SAMD5: variants seen among roughly 807,000 people sequenced by gnomAD.
The protein encoded by SAMD5 is sterile alpha motif domain-containing protein 5.
Under a neutral mutation model 11.3 loss-of-function variants are expected in SAMD5, and 13 were observed. The observed-to-expected ratio is 1.15, with a 90% CI of 0.75 to 1.83. SAMD5 has a LOEUF of 1.83. SAMD5 is among the 40% of genes most tolerant of loss of function. SAMD5 has a pLI of 0.00. For synonymous variants in SAMD5, 129 were observed against 111.3 expected (o/e 1.16, Z -1.00); for missense variants, 255 against 239.1 (o/e 1.07, Z -0.44).
chr6:147,945,708 A>G, the SAMD5 span, among the ~76,000 whole-genome samples: 1 of 152,138 alleles, frequency 6.6e-6, no homozygotes, highest in Non-Finnish European at 1.5e-5. Flanking sequence ...CAGTGGCAGG[A>G]ACGTTAGCCC....
intron 1 of SAMD5, among the ~76,000 whole-genome samples, chr6:147,648,531 G>A (rs1455649949): frequency 6.6e-6 from 1 of 152,172 alleles, no homozygotes; most frequent in Non-Finnish European, 1.5e-5. Context: ...AAAGCCTCTG[G>A]CTGACAAGGG....
the SAMD5 span, among the ~76,000 whole-genome samples, chr6:147,823,900 C>A: frequency 6.6e-6 from 1 of 152,124 alleles, no homozygotes; most frequent in Non-Finnish European, 1.5e-5. Flanking sequence ...TCATTTAATT[C>A]TCATCAAACC....
At chr6:147,605,235 C>T (rs1359124395) in intron 1 of SAMD5, among the ~76,000 whole-genome samples, 4 of 152,192 alleles carry the variant, frequency 2.6e-5, no homozygotes, top group Admixed American at 2.6e-4. Context: ...GCCTCATCCT[C>T]CTGGGTAACT....
chr6:147,599,409 A>G (rs1431931381), intron 1 of SAMD5, among the ~76,000 whole-genome samples: 1 of 152,232 alleles, frequency 6.6e-6, no homozygotes, highest in Non-Finnish European at 1.5e-5. Flanking sequence ...TAAAATGTCA[A>G]TGAATCTGTG....
intron 1 of SAMD5, among the ~76,000 whole-genome samples, chr6:147,684,002 C>A (rs1341909329): frequency 3.3e-5 from 5 of 152,120 alleles, no homozygotes; most frequent in Non-Finnish European, 4.4e-5. Context: ...CCACACAAAT[C>A]ATGAACATAC....
intron 1 of SAMD5, among the ~76,000 whole-genome samples, chr6:147,526,788 G>C (rs1220468608): frequency 1.3e-5 from 2 of 151,664 alleles, no homozygotes; most frequent in Middle Eastern, 3.4e-3. Context: ...GGATTGGTGA[G>C]TGGTCCACTT....
chr6:147,916,776 A>G, the SAMD5 span, among the ~76,000 whole-genome samples: 1 of 139,332 alleles, frequency 7.2e-6, no homozygotes, highest in Admixed American at 8.2e-5. Flanking sequence ...CTCATTGTTC[A>G]ATTCCCACCT....
the SAMD5 span, among the ~76,000 whole-genome samples, chr6:147,884,303 T>C: frequency 6.6e-6 from 1 of 152,126 alleles, no homozygotes; most frequent in Non-Finnish European, 1.5e-5. Context: ...GTGTAATACG[T>C]TTCCTTTGCA....
the SAMD5 span, among the ~76,000 whole-genome samples, chr6:147,826,590 G>A: frequency 1.8e-3 from 272 of 152,216 alleles, 6 homozygotes; most frequent in South Asian, 0.03. Context: ...GTGAGAATTC[G>A]TTTTCATATT....
At chr6:147,933,262 C>A in the SAMD5 span, among the ~76,000 whole-genome samples, 2 of 152,204 alleles carry the variant, frequency 1.3e-5, no homozygotes, top group Non-Finnish European at 2.9e-5. Context: ...AAAGCAGTGA[C>A]CTGCCAGACA....
At chr6:147,763,964 T>G in the SAMD5 span, among the ~76,000 whole-genome samples, 1 of 152,352 alleles carries the variant, frequency 6.6e-6, no homozygotes, top group South Asian at 2.1e-4. Context: ...CTTCCTCTAG[T>G]CCTGACTTGG....
At chr6:147,931,604 TTGATACAA>T in the SAMD5 span, among the ~76,000 whole-genome samples, 6,294 of 152,258 alleles carry the variant, frequency 0.041, 159 homozygotes, top group Middle Eastern at 0.054. Context: ...ATTTCTCTCT[TTGATACAA>T]TATATTTCTG....
chr6:147,621,616 AT>A (rs1789969557), intron 1 of SAMD5, among the ~76,000 whole-genome samples: 1 of 152,226 alleles, frequency 6.6e-6, no homozygotes, highest in African/African-American at 2.4e-5. Flanking sequence ...GAGTAGACAT[AT>A]GACCCAGGTC....
intron 1 of SAMD5, among the ~76,000 whole-genome samples, chr6:147,678,590 C>T (rs2128456127): frequency 6.6e-6 from 1 of 152,226 alleles, no homozygotes; most frequent in East Asian, 1.9e-4. Context: ...GATGGGGGAC[C>T]TCATCTATAC....
At chr6:147,643,394 T>G (rs909422949) in intron 1 of SAMD5, among the ~76,000 whole-genome samples, 3 of 152,158 alleles carry the variant, frequency 2.0e-5, no homozygotes, top group African/African-American at 7.2e-5. Context: ...AAAAAACAAC[T>G]AAAACACACA....
the SAMD5 span, among the ~76,000 whole-genome samples, chr6:147,777,970 C>T: frequency 1.1e-4 from 16 of 152,058 alleles, no homozygotes; most frequent in South Asian, 2.1e-4. Flanking sequence ...CTGATATGGA[C>T]GTGGATGTAT....
At chr6:147,590,753 T>C (rs984076992) in intron 1 of SAMD5, among the ~76,000 whole-genome samples, 1 of 152,204 alleles carries the variant, frequency 6.6e-6, no homozygotes, top group African/African-American at 2.4e-5. Context: ...AATGATTGAC[T>C]TCTTTATTGG....
At chr6:147,870,500 ATTGC>A in the SAMD5 span, among the ~76,000 whole-genome samples, 1 of 150,666 alleles carries the variant, frequency 6.6e-6, no homozygotes. Context: ...ATATGTATAT[ATTGC>A]TATTAATACA....
At chr6:147,917,874 G>A in the SAMD5 span, among the ~76,000 whole-genome samples, 2 of 152,254 alleles carry the variant, frequency 1.3e-5, no homozygotes, top group Non-Finnish European at 2.9e-5. Flanking sequence ...TTGTAGATGT[G>A]TGGTATTATT....
Sources: allele counts gnomAD v4.1 joint callset (sites outside exome capture counted in the v4.1 genomes callset), GRCh38; gene constraint gnomAD v4.1.1; transcripts MANE v1.5; gene names NCBI Gene and HGNC (gene_info 2026-07-23, HGNC 2026-07-21).